Variants in CADPS2 observed in about 807,000 individuals in gnomAD.
The protein encoded by CADPS2 is calcium dependent secretion activator 2, also known as calcium-dependent secretion activator 2.
In CADPS2, 93 loss-of-function variants were observed where a neutral mutation model predicts 172.5. That is an observed-to-expected ratio of 0.54 (90% CI 0.46 to 0.64). The LOEUF is 0.64. CADPS2 is among the 30% of genes least tolerant of loss of function. The pLI, the probability that CADPS2 is intolerant of heterozygous loss-of-function variation, is 0.00. For missense variants in CADPS2, 1,420 were observed against 1,565.9 expected, an observed-to-expected ratio of 0.91 and a Z score of 1.57; for synonymous variants, 546 against 555.2, an observed-to-expected ratio of 0.98 and a Z score of 0.23.
At chr7:122,615,132 A>T (rs2074754428) in intron 6 of CADPS2, 49 bp downstream of exon 6, 3 of 1,116,680 alleles carry the variant, frequency 2.7e-6, no homozygotes, top group Admixed American at 2.2e-5. Flanking sequence ...CTTTGGGAGG[A>T]TTAAAAAAAC....
intron 7 of CADPS2, among the ~76,000 whole-genome samples, chr7:122,567,480 T>A (rs1337358594): frequency 6.6e-6 from 1 of 152,204 alleles, no homozygotes; most frequent in East Asian, 1.9e-4. Flanking sequence ...TCCCCTTTTT[T>A]TCTTCCTGAA....
At position 122,513,261 on chromosome 7, in the gene CADPS2, A is replaced by G; in HGVS notation, c.1530T>C (p.Phe510=). Residue 510 remains phenylalanine (F), a synonymous_variant, in exon 9 of 30, where the codon TTT becomes TTC. Coordinates refer to ENST00000449022, the MANE Select transcript of CADPS2 (RefSeq NM_017954.11). ...AAAAATGACTAACCTGAACTAGAAC[A>G]AAGTAACGTTTTTTCCATCTTTTCC... The part of the protein sequence containing the change: ...KVWKRWKKRY[F]VLVQVSQYTF... The G allele has an allele frequency of 1.3e-6, 2 of 1,560,828 alleles. No individual in the cohort carries two copies. The highest frequency in any genetic ancestry group is 1.7e-6 in the Non-Finnish European group (2 of 1,151,000).
intron 3 of CADPS2, among the ~76,000 whole-genome samples, chr7:122,638,938 C>T (rs952775392): frequency 2.6e-5 from 4 of 152,204 alleles, no homozygotes; most frequent in African/African-American, 9.6e-5. Context: ...GAGAGCAGTA[C>T]ACACTAGCTC....
chr7:122,759,309 A>T (rs1459173717), intron 1 of CADPS2, among the ~76,000 whole-genome samples: 1 of 152,184 alleles, frequency 6.6e-6, no homozygotes, highest in African/African-American at 2.4e-5. Context: ...ATATACTCTT[A>T]AGAGTAATGA....
At chr7:122,760,989 C>T in intron 1 of CADPS2, among the ~76,000 whole-genome samples, 1 of 152,124 alleles carries the variant, frequency 6.6e-6, no homozygotes, top group East Asian at 1.9e-4. Context: ...AAACCTCAGA[C>T]ACTGTCAGCA....
At chr7:122,484,109 T>A in intron 11 of CADPS2, among the ~76,000 whole-genome samples, 1 of 152,158 alleles carries the variant, frequency 6.6e-6, no homozygotes, top group East Asian at 1.9e-4. Context: ...GTTTTAAAAA[T>A]TTACATTGTA....
At chr7:122,733,746 T>A (rs2091893540) in intron 2 of CADPS2, among the ~76,000 whole-genome samples, 1 of 151,974 alleles carries the variant, frequency 6.6e-6, no homozygotes, top group Non-Finnish European at 1.5e-5. Flanking sequence ...CAATCAGAAC[T>A]TGCTTGTGTT....
At chr7:122,843,362 A>T (rs1220305472) in intron 1 of CADPS2, among the ~76,000 whole-genome samples, 1 of 152,202 alleles carries the variant, frequency 6.6e-6, no homozygotes. Context: ...GAAAAAAGGT[A>T]TCAAAACAGC....
At position 122,593,784 on chromosome 7, in the gene CADPS2, AAGAG is replaced by A. The variant is rs1334514694; in HGVS notation, c.1224-12498_1224-12495del. Among the ~76,000 whole-genome samples the A allele has an allele frequency of 2.0e-5, 3 of 152,122 alleles. No homozygotes were observed. In the South Asian group the frequency reaches 6.2e-4, roughly 32 times the overall value. On this transcript the variant is annotated intron_variant, in intron 6 of 29. Coordinates refer to ENST00000449022, the MANE Select transcript of CADPS2 (RefSeq NM_017954.11). ...TAACAGCAAAACATGGCAAAGGAGA[AAGAG>A]AGAGGAAGAAAAAGAAGCCATGTGA...
chr7:122,839,901 AC>A (rs1416729165), intron 1 of CADPS2, among the ~76,000 whole-genome samples: 15 of 152,194 alleles, frequency 9.9e-5, no homozygotes, highest in African/African-American at 3.1e-4. Flanking sequence ...AACTAGAAAT[AC>A]CATTTGACCC....
chr7:122,381,296 G>A (rs557541842), intron 24 of CADPS2, among the ~76,000 whole-genome samples: 1 of 152,060 alleles, frequency 6.6e-6, no homozygotes, highest in Non-Finnish European at 1.5e-5. Context: ...TAAATGCCAC[G>A]TGATACACCT....
intron 1 of CADPS2, among the ~76,000 whole-genome samples, chr7:122,778,409 A>G (rs557435842): frequency 6.6e-6 from 1 of 152,368 alleles, no homozygotes; most frequent in African/African-American, 2.4e-5. Flanking sequence ...TTTTCTGGGG[A>G]GAAAGTCAAG....
chr7:122,813,355 GAAC>G (rs1361590827), intron 1 of CADPS2, among the ~76,000 whole-genome samples: 1 of 151,968 alleles, frequency 6.6e-6, no homozygotes, highest in Non-Finnish European at 1.5e-5. Flanking sequence ...TTAATTATAT[GAAC>G]AACCTACAGT....
chr7:122,407,582 A>T lies in CADPS2; in HGVS notation c.2704T>A (p.Phe902Ile). 1 of 1,612,398 alleles carries T rather than the reference A, an allele frequency of 6.2e-7. No individual in the cohort carries two copies. The highest frequency in any genetic ancestry group is 8.5e-7 in the Non-Finnish European group (1 of 1,179,210). ...EAQPQDSWDS[F>I]PLFQLLNNFL... ...TTATTAAGCAGTTGGAAAAGAGGAA[A>T]ACTATCCCAGGAGTCTTGCGGTTGA... The change falls in exon 20 of 30, where the codon TTT (phenylalanine) becomes ATT (isoleucine). Residue 902 changes from phenylalanine to isoleucine, a missense_variant. Coordinates refer to ENST00000449022, the MANE Select transcript of CADPS2 (RefSeq NM_017954.11).
At chr7:122,755,011 T>C (rs537223543) in intron 1 of CADPS2, among the ~76,000 whole-genome samples, 147 of 152,312 alleles carry the variant, frequency 9.7e-4, no homozygotes, top group African/African-American at 2.8e-3. Flanking sequence ...TATATCTAAA[T>C]AGATTTAATT....
chr7:122,669,433 C>G (rs543564300), intron 2 of CADPS2, among the ~76,000 whole-genome samples: 3 of 151,442 alleles, frequency 2.0e-5, no homozygotes, highest in African/African-American at 7.3e-5. Context: ...ATTATACAGG[C>G]ATCTAGCTCA....
chr7:122,490,192 AT>A lies in CADPS2; in HGVS notation c.1740del (p.Leu580PhefsTer25). The A allele has an allele frequency of 6.2e-7, 1 of 1,613,464 alleles. No individual in the cohort carries two copies. Among genetic ancestry groups the A allele is most frequent in the Non-Finnish European group, 8.5e-7 (1 of 1,179,600 alleles). On this transcript the variant is annotated frameshift_variant, in exon 11 of 30. Coordinates refer to ENST00000449022, the MANE Select transcript of CADPS2 (RefSeq NM_017954.11). LOFTEE classifies it high-confidence loss of function. ...FASDDEQDRI[L>X]WVQAMYRATG... ...GTGGCCCTATACATGGCTTGAACCC[AT>A]AATATTCTGTCCTGTTCATCATCAC...
chr7:122,827,283 T>C (rs752609840), intron 1 of CADPS2, among the ~76,000 whole-genome samples: 3 of 152,148 alleles, frequency 2.0e-5, no homozygotes, highest in Non-Finnish European at 4.4e-5. Flanking sequence ...AAATTTAAAA[T>C]TGTGATTTAA....
intron 3 of CADPS2, among the ~76,000 whole-genome samples, chr7:122,641,301 A>T (rs568739485): frequency 6.6e-6 from 1 of 152,296 alleles, no homozygotes; most frequent in Non-Finnish European, 1.5e-5. Context: ...AATTATCAAA[A>T]TACTTGACAA....
Sources: gnomAD v4.1 joint callset for allele counts (sites outside exome capture counted in the v4.1 genomes callset) on GRCh38, gnomAD v4.1.1 for gene constraint, MANE v1.5 for transcripts, NCBI Gene and HGNC (gene_info 2026-07-23, HGNC 2026-07-21) for gene names.